Variants in ADAMTS12 observed in about 807,000 individuals in gnomAD.
The protein encoded by ADAMTS12 is ADAM metallopeptidase with thrombospondin type 1 motif 12.
A neutral mutation model predicts 167.8 loss-of-function variants in ADAMTS12; 118 were observed. The observed-to-expected ratio is 0.70, with a 90% CI of 0.61 to 0.82. The LOEUF is 0.82. Among genes scored for constraint, ADAMTS12 ranks in the 40% least tolerant of loss-of-function variants. ADAMTS12 has a pLI of 0.00. For synonymous variants in ADAMTS12, 704 were observed against 716.9 expected, an observed-to-expected ratio of 0.98 and a Z score of 0.29; for missense variants, 1,916 against 1,998.8, an observed-to-expected ratio of 0.96 and a Z score of 0.79.
At position 33,883,349 on chromosome 5, in the gene ADAMTS12, T is replaced by G. The variant is rs562491832; in HGVS notation, c.128-1869A>C. Reference sequence around the variant, plus strand: ...TTTGTTTTTTTTTTTTTTGTTTTTTTTTTTTCCAGGCAACTACCTCCAAAC... The same window carrying G: ...TTTGTTTTTTTTTTTTTTGTTTTTTGTTTTTCCAGGCAACTACCTCCAAAC... On this transcript the variant is annotated intron_variant, in intron 1 of 23. Coordinates refer to ENST00000504830, the MANE Select transcript of ADAMTS12 (RefSeq NM_030955.4). 6.0e-4 allele frequency among the ~76,000 whole-genome samples: 90 copies of G among 149,606 alleles called. 2 individuals carry two copies. The South Asian group carries it at 0.018, about 30-fold the overall frequency.
intron 3 of ADAMTS12, among the ~76,000 whole-genome samples, chr5:33,714,857 A>G (rs1179667809): frequency 6.6e-6 from 1 of 152,080 alleles, no homozygotes; most frequent in African/African-American, 2.4e-5. Flanking sequence ...ACAGTTACAT[A>G]GAAGGATTAA....
At chr5:33,719,947 C>T (rs1010664678) in intron 3 of ADAMTS12, among the ~76,000 whole-genome samples, 5 of 152,146 alleles carry the variant, frequency 3.3e-5, no homozygotes, top group Non-Finnish European at 7.4e-5. Context: ...ATTCAAAGCA[C>T]TCATGTGTAT....
At chr5:33,693,084 A>G (rs79534871) in intron 3 of ADAMTS12, among the ~76,000 whole-genome samples, 3,425 of 152,300 alleles carry the variant, frequency 0.022, 119 homozygotes, top group African/African-American at 0.077. Context: ...GAAGCCTGCA[A>G]TTCAGCTATC....
chr5:33,797,258 T>A (rs1263548350), intron 2 of ADAMTS12, among the ~76,000 whole-genome samples: 1 of 152,160 alleles, frequency 6.6e-6, no homozygotes, highest in Non-Finnish European at 1.5e-5. Flanking sequence ...GTAATCTTCC[T>A]GGCCAAGCCT....
chr5:33,874,686 C>T (rs929160574), intron 2 of ADAMTS12, among the ~76,000 whole-genome samples: 1 of 152,202 alleles, frequency 6.6e-6, no homozygotes, highest in African/African-American at 2.4e-5. Context: ...ACGAAGATGT[C>T]TTTCAGTAGG....
At position 33,881,566 on chromosome 5, in the gene ADAMTS12, T is replaced by A. The variant is rs74696699; in HGVS notation, c.128-86A>T. 4.0e-6 allele frequency: 5 copies of A among 1,235,946 alleles called. No homozygotes were observed. The East Asian group carries it at 7.9e-5, about 20-fold the overall frequency. The allele number at this position is 1,235,946 out of a possible 1,614,324, so 76.6% of individuals were successfully genotyped here. A position where few individuals can be genotyped will look rare whatever the true frequency, so the allele number is the denominator to read the frequency against. On this transcript the variant is annotated intron_variant, in intron 1 of 23. Coordinates refer to ENST00000504830, the MANE Select transcript of ADAMTS12 (RefSeq NM_030955.4). ...TTCGTTTGGAACTTGAATGCTAGCTTTTTTTTTTTTTGGAAATGGAGTTTT... is the reference window on the plus strand; with the variant it reads ...TTCGTTTGGAACTTGAATGCTAGCTATTTTTTTTTTTGGAAATGGAGTTTT...
At chr5:33,723,157 C>T (rs1743863264) in intron 3 of ADAMTS12, among the ~76,000 whole-genome samples, 1 of 152,176 alleles carries the variant, frequency 6.6e-6, no homozygotes, top group Non-Finnish European at 1.5e-5. Context: ...ATGCCCTCAG[C>T]CTGGGCTAAT....
chr5:33,658,363 G>A lies in ADAMTS12; in HGVS notation c.1041-30C>T, dbSNP rs574684619. 51 of 1,604,562 alleles carry A rather than the reference G, an allele frequency of 3.2e-5. 1 individual carries two copies. Among genetic ancestry groups the A allele is most frequent in the Admixed American group, 1.2e-4 (7 of 59,124 alleles). ...AAGCAGAGAATACAGAAGCTAAGGC[G>A]CCCAAAGGAACATCTGGAAAAACCT... On this transcript the variant is annotated intron_variant, in intron 6 of 23. Coordinates refer to ENST00000504830, the MANE Select transcript of ADAMTS12 (RefSeq NM_030955.4).
chr5:33,757,109 T>A (rs2112401533), intron 2 of ADAMTS12, among the ~76,000 whole-genome samples: 1 of 152,324 alleles, frequency 6.6e-6, no homozygotes, highest in Admixed American at 6.5e-5. Flanking sequence ...CATAAGTATA[T>A]TCACCTATAG....
rs1047319789 is a variant in ADAMTS12, at chr5:33,669,966, G to A, written c.916-7926C>T. ...GATAGGCAAAGAATTTATAGACTTG[G>A]CACTAATAACATAATTAATAAAAGG... is the stretch of plus-strand genomic sequence containing the variant. On this transcript the variant is annotated intron_variant, in intron 5 of 23. Transcript: ENST00000504830. Among the ~76,000 whole-genome samples the A allele has an allele frequency of 2.0e-5, 3 of 149,886 alleles. No individual in the cohort carries two copies. The South Asian group carries it at 6.2e-4, about 31-fold the overall frequency.
At chr5:33,762,440 G>A (rs1000251525) in intron 2 of ADAMTS12, among the ~76,000 whole-genome samples, 5 of 152,010 alleles carry the variant, frequency 3.3e-5, no homozygotes, top group African/African-American at 7.2e-5. Flanking sequence ...CCCGGGAGGC[G>A]GGGGTTGCAG....
intron 3 of ADAMTS12, among the ~76,000 whole-genome samples, chr5:33,735,934 T>A (rs1472842033): frequency 3.3e-5 from 5 of 152,194 alleles, no homozygotes; most frequent in Non-Finnish European, 7.3e-5. Flanking sequence ...CAGATAACAT[T>A]AAAAGTGTTA....
At chr5:33,683,320 A>C (rs927578129) in intron 4 of ADAMTS12, among the ~76,000 whole-genome samples, 3 of 152,186 alleles carry the variant, frequency 2.0e-5, no homozygotes. Flanking sequence ...GTGTGTTTGA[A>C]GGATTAACAT....
intron 2 of ADAMTS12, among the ~76,000 whole-genome samples, chr5:33,784,726 C>G (rs1342930425): frequency 6.6e-6 from 1 of 151,856 alleles, no homozygotes; most frequent in Non-Finnish European, 1.5e-5. Flanking sequence ...ATACCATGTT[C>G]AAGGATTAAA....
At chr5:33,734,924 A>C (rs1380584807) in intron 3 of ADAMTS12, among the ~76,000 whole-genome samples, 1 of 152,222 alleles carries the variant, frequency 6.6e-6, no homozygotes, top group Non-Finnish European at 1.5e-5. Flanking sequence ...TCCCACCCGG[A>C]CATACCTTAC....
At chr5:33,886,555 T>C (rs1203129258) in intron 1 of ADAMTS12, among the ~76,000 whole-genome samples, 1 of 152,254 alleles carries the variant, frequency 6.6e-6, no homozygotes, top group Non-Finnish European at 1.5e-5. Flanking sequence ...GCAAAGAGTA[T>C]AGCAGGGTTA....
chr5:33,675,622 C>T (rs1741875485), intron 5 of ADAMTS12, among the ~76,000 whole-genome samples: 1 of 152,152 alleles, frequency 6.6e-6, no homozygotes, highest in African/African-American at 2.4e-5. Context: ...GATACTTCGC[C>T]CCTGTGTAGA....
intron 20 of ADAMTS12, among the ~76,000 whole-genome samples, chr5:33,556,750 A>G (rs958042598): frequency 3.3e-5 from 5 of 152,228 alleles, no homozygotes; most frequent in Admixed American, 1.3e-4. Flanking sequence ...GCCAGGACAC[A>G]GCTCGGCTCA....
intron 5 of ADAMTS12, among the ~76,000 whole-genome samples, chr5:33,669,452 C>A (rs1339146430): frequency 6.6e-6 from 1 of 152,098 alleles, no homozygotes; most frequent in African/African-American, 2.4e-5. Flanking sequence ...GTCCAAGCAT[C>A]ATGTAGGATA....
Sources: gnomAD v4.1 joint callset for allele counts (sites outside exome capture counted in the v4.1 genomes callset) on GRCh38, gnomAD v4.1.1 for gene constraint, MANE v1.5 for transcripts, NCBI Gene and HGNC (gene_info 2026-07-23, HGNC 2026-07-21) for gene names.